The following CSMD1 variants were observed in gnomAD, a reference collection of about 807,000 sequenced individuals.
CSMD1 encodes CUB and Sushi multiple domains 1.
In CSMD1, 213 loss-of-function variants were observed where a neutral mutation model predicts 417.5. That is an observed-to-expected ratio of 0.51 (90% CI 0.46 to 0.57). CSMD1 has a LOEUF of 0.57. Among genes scored for constraint, CSMD1 ranks in the 20% least tolerant of loss-of-function variants. CSMD1 has a pLI of 0.00. For missense variants in CSMD1, 6,923 were observed against 4,529.7 expected (o/e 1.53, Z -15.17); for synonymous variants, 2,862 against 1,736.8 (o/e 1.65, Z -16.11).
chr8:4,636,995 G>A (rs1802856702), intron 2 of CSMD1, among the ~76,000 whole-genome samples: 1 of 152,068 alleles, frequency 6.6e-6, no homozygotes, highest in Non-Finnish European at 1.5e-5. Context: ...ATCACACGGA[G>A]GACTGAAAAA....
At chr8:3,545,665 C>G (rs775772684) in intron 10 of CSMD1, among the ~76,000 whole-genome samples, 3 of 152,194 alleles carry the variant, frequency 2.0e-5, no homozygotes, top group Non-Finnish European at 2.9e-5. Flanking sequence ...AACTTACAGA[C>G]ACTGCCTTTG....
chr8:4,070,694 A>C (rs961278984), intron 3 of CSMD1, among the ~76,000 whole-genome samples: 1 of 152,092 alleles, frequency 6.6e-6, no homozygotes. Flanking sequence ...CTGAAGATCC[A>C]AGTTTTCACC....
chr8:4,812,826 C>T (rs1798985956), intron 1 of CSMD1, among the ~76,000 whole-genome samples: 1 of 152,166 alleles, frequency 6.6e-6, no homozygotes, highest in African/African-American at 2.4e-5. Context: ...TAATACTCCA[C>T]TTTTCATAGG....
chr8:3,309,746 C>T (rs1468599596), intron 23 of CSMD1, among the ~76,000 whole-genome samples: 1 of 152,210 alleles, frequency 6.6e-6, no homozygotes, highest in Non-Finnish European at 1.5e-5. Context: ...ACTTCTGCTA[C>T]ATCCTCCTGT....
intron 3 of CSMD1, among the ~76,000 whole-genome samples, chr8:4,142,348 G>A (rs1324412278): frequency 1.3e-5 from 2 of 151,096 alleles, no homozygotes; most frequent in African/African-American, 2.5e-5. Flanking sequence ...ACGAGGTTAT[G>A]ATATTTGGCT....
intron 1 of CSMD1, among the ~76,000 whole-genome samples, chr8:4,643,352 AC>A (rs780697474): frequency 3.9e-5 from 6 of 152,208 alleles, no homozygotes; most frequent in Admixed American, 6.5e-5. Flanking sequence ...GTAAACGAGA[AC>A]TTGATTACTT....
intron 5 of CSMD1, among the ~76,000 whole-genome samples, chr8:3,929,967 TA>T (rs1223978647): frequency 6.6e-6 from 1 of 150,458 alleles, no homozygotes; most frequent in Non-Finnish European, 1.5e-5. Context: ...GTGCACAGCC[TA>T]TATGATTAAA....
intron 3 of CSMD1, among the ~76,000 whole-genome samples, chr8:4,264,714 G>C (rs763334984): frequency 6.6e-6 from 1 of 152,122 alleles, no homozygotes; most frequent in Non-Finnish European, 1.5e-5. Context: ...AACAAACACT[G>C]ATTAACTGCC....
intron 8 of CSMD1, among the ~76,000 whole-genome samples, chr8:3,587,465 A>G (rs1349347904): frequency 6.6e-6 from 1 of 152,244 alleles, no homozygotes; most frequent in African/African-American, 2.4e-5. Flanking sequence ...CACAGTTGTC[A>G]GTGTGGATGG....
At position 4,533,438 on chromosome 8, in the gene CSMD1, T is replaced by A. The variant is rs193277922; in HGVS notation, c.302+103904A>T. Among the ~76,000 whole-genome samples the A allele has an allele frequency of 7.1e-3, 1,074 of 152,328 alleles. 7 individuals carry two copies. Among genetic ancestry groups the A allele is most frequent in the Middle Eastern group, 0.017 (5 of 294 alleles). Reference sequence around the variant, plus strand: ...AAAAAGGGGACTTTTGCTGTTAATCTACGTGAGCCCTGATGGGCAGAGGCC... The same window carrying A: ...AAAAAGGGGACTTTTGCTGTTAATCAACGTGAGCCCTGATGGGCAGAGGCC... On this transcript the variant is annotated intron_variant, in intron 2 of 69. Coordinates refer to ENST00000635120, the MANE Select transcript of CSMD1 (RefSeq NM_033225.6).
intron 1 of CSMD1, among the ~76,000 whole-genome samples, chr8:4,928,158 G>C (rs1198496785): frequency 6.6e-6 from 1 of 152,078 alleles, no homozygotes; most frequent in Non-Finnish European, 1.5e-5. Context: ...CGCACACATA[G>C]ACTTTCCCGT....
At chr8:4,449,427 T>C (rs1799000533) in intron 2 of CSMD1, among the ~76,000 whole-genome samples, 1 of 152,164 alleles carries the variant, frequency 6.6e-6, no homozygotes, top group Admixed American at 6.5e-5. Context: ...CGTGTAGAAG[T>C]TCATATTTTT....
chr8:4,527,615 T>C (rs868501390), intron 2 of CSMD1, among the ~76,000 whole-genome samples: 25 of 152,184 alleles, frequency 1.6e-4, no homozygotes, highest in African/African-American at 5.8e-4. Flanking sequence ...GGCCCCATAT[T>C]GCAGCCATAG....
intron 5 of CSMD1, among the ~76,000 whole-genome samples, chr8:3,851,008 A>G (rs1375069884): frequency 6.6e-6 from 1 of 152,226 alleles, no homozygotes; most frequent in Admixed American, 6.5e-5. Context: ...ATAAATATCT[A>G]TGTGTTTTTC....
chr8:3,341,662 G>C (rs531107561), intron 23 of CSMD1, among the ~76,000 whole-genome samples: 85 of 152,302 alleles, frequency 5.6e-4, no homozygotes, highest in Non-Finnish European at 9.7e-4. Context: ...TGCCCAGGGA[G>C]CCATAGCAGG....
intron 10 of CSMD1, among the ~76,000 whole-genome samples, chr8:3,524,894 A>T (rs1476563438): frequency 1.4e-5 from 2 of 140,910 alleles, no homozygotes. Context: ...TTTTTGGTGG[A>T]GTTAAAAATA....
chr8:3,423,378 T>C (rs956229030), intron 12 of CSMD1, among the ~76,000 whole-genome samples: 1 of 152,230 alleles, frequency 6.6e-6, no homozygotes, highest in African/African-American at 2.4e-5. Context: ...CTGATTTCTG[T>C]CACCATAGCT....
intron 33 of CSMD1, among the ~76,000 whole-genome samples, chr8:3,192,023 C>T (rs1282013713): frequency 5.3e-5 from 8 of 152,100 alleles, no homozygotes; most frequent in Non-Finnish European, 1.0e-4. Flanking sequence ...TCTGTTGAAT[C>T]AGACCAACGA....
chr8:4,139,348 T>G (rs202061868), intron 3 of CSMD1, among the ~76,000 whole-genome samples: 12 of 151,984 alleles, frequency 7.9e-5, no homozygotes, highest in Admixed American at 2.6e-4. Flanking sequence ...ATGAAAATTT[T>G]TTGACCAGGT....
Sources: allele counts gnomAD v4.1 joint callset (sites outside exome capture counted in the v4.1 genomes callset), GRCh38; gene constraint gnomAD v4.1.1; transcripts MANE v1.5; gene names NCBI Gene and HGNC (gene_info 2026-07-23, HGNC 2026-07-21).